Variants in SPA17 observed in about 807,000 individuals in gnomAD.
SPA17 encodes the protein sperm surface protein Sp17.
A neutral mutation model predicts 13.8 loss-of-function variants in SPA17; 7 were observed. That is an observed-to-expected ratio of 0.51 (90% CI 0.29 to 0.95). The LOEUF (loss-of-function observed/expected upper bound fraction) is 0.95, where lower values mean the gene tolerates loss of function less well. SPA17 is among the 40% of genes least tolerant of loss of function. The pLI is 0.08. For synonymous variants in SPA17, 61 were observed against 59.0 expected (o/e 1.03, Z -0.16); for missense variants, 170 against 179.3 (o/e 0.95, Z 0.30).
rs761100717 is a variant in SPA17 at position 124,675,307 on chromosome 11, G to A, written c.43G>A (p.Gly15Arg). The change falls in exon 2 of 5, where the codon GGA (glycine) becomes AGA (arginine). Residue 15 changes from glycine (G) to arginine (R), a missense_variant. Physicochemically the swap from Gly to Arg is moderately radical, Grantham distance 125. Transcript: ENST00000227135. The part of the protein sequence containing the change: ...FSNTHYRIPQ[G>R]FGNLLEGLTR... ...CAACACCCACTACCGAATTCCACAA[G>A]GATTTGGGAATCTTCTTGAAGGGCT... 3 of 1,614,030 alleles carry A rather than the reference G, an allele frequency of 1.9e-6. No individual in the cohort carries two copies. Among genetic ancestry groups the A allele is most frequent in the African/African-American group, 2.7e-5 (2 of 74,920 alleles).
At chr11:124,692,894 G>T (rs372988889) in intron 4 of SPA17, among the ~76,000 whole-genome samples, 1 of 152,150 alleles carries the variant, frequency 6.6e-6, no homozygotes, top group South Asian at 2.1e-4. Context: ...CCAAGAACTG[G>T]CAGCCAGAAT....
At chr11:124,683,873 A>G (rs778028821) in intron 3 of SPA17, among the ~76,000 whole-genome samples, 1 of 152,212 alleles carries the variant, frequency 6.6e-6, no homozygotes, top group Non-Finnish European at 1.5e-5. Flanking sequence ...ACTGCAATAC[A>G]ATAATAGTGA....
intron 4 of SPA17, among the ~76,000 whole-genome samples, chr11:124,693,976 C>A (rs148743906): frequency 2.0e-5 from 3 of 152,050 alleles, no homozygotes; most frequent in Non-Finnish European, 1.5e-5. Context: ...TTTTACCATG[C>A]CTCAAGGATT....
intron 4 of SPA17, among the ~76,000 whole-genome samples, chr11:124,693,862 C>T (rs1203741119): frequency 2.6e-5 from 4 of 152,032 alleles, no homozygotes; most frequent in East Asian, 1.9e-4. Context: ...AAATGTATGA[C>T]GATGATTAAC....
chr11:124,687,765 A>G (rs1183055822), intron 3 of SPA17, among the ~76,000 whole-genome samples: 2 of 152,304 alleles, frequency 1.3e-5, no homozygotes, highest in South Asian at 4.1e-4. Context: ...TCAACAAACT[A>G]GGCATAGAAG....
rs372313269 is a variant in SPA17, at chr11:124,696,448, T to C, written c.*2002T>C. On this transcript the variant is annotated 3_prime_UTR_variant, in exon 5 of 5. Coordinates refer to ENST00000227135, the MANE Select transcript of SPA17 (RefSeq NM_017425.4). Reference sequence around the variant, plus strand: ...AGCTTTTTCAGTAATTCTCCTGTTATACACATAAAGTGACTAGCACTATGC... The same window carrying C: ...AGCTTTTTCAGTAATTCTCCTGTTACACACATAAAGTGACTAGCACTATGC... 10 of 151,816 alleles carry C rather than the reference T, an allele frequency of 6.6e-5. No individual in the cohort carries two copies. Among genetic ancestry groups the C allele is most frequent in the East Asian group, 5.8e-4 (3 of 5,172 alleles). 9.4% of individuals were successfully genotyped at this position (151,816 alleles called of 1,614,324 possible). A position where few individuals can be genotyped will look rare whatever the true frequency, so the allele number is the denominator to read the frequency against.
In SPA17 at chr11:124,696,122, T is replaced by C. The variant is rs909506918; in HGVS notation, c.*1676T>C. 5 of 152,258 alleles carry C rather than the reference T, an allele frequency of 3.3e-5. No individual in the cohort carries two copies. Among genetic ancestry groups the C allele is most frequent in the African/African-American group, 1.2e-4 (5 of 41,448 alleles). 9.4% of individuals were successfully genotyped at this position (152,258 alleles called of 1,614,324 possible). ...CCACTGTAGAGAGTTTCATGCTAGC[T>C]AAACACAAGTCTCTAATATCCCCCT... On this transcript the variant is annotated 3_prime_UTR_variant, in exon 5 of 5. Coordinates refer to ENST00000227135, the MANE Select transcript of SPA17 (RefSeq NM_017425.4).
intron 2 of SPA17, chr11:124,676,375 C>T (rs1400837467): frequency 6.6e-6 from 1 of 152,198 alleles, no homozygotes; most frequent in Non-Finnish European, 1.5e-5. Flanking sequence ...TTCTTGTCAT[C>T]ATTACTTTTT....
At chr11:124,683,145 A>T (rs958835827) in intron 3 of SPA17, among the ~76,000 whole-genome samples, 1 of 152,194 alleles carries the variant, frequency 6.6e-6, no homozygotes, top group African/African-American at 2.4e-5. Context: ...TAACCTTCAT[A>T]AATGAAAGAG....
At chr11:124,681,625 ATTAT>A (rs1039075756) in intron 3 of SPA17, among the ~76,000 whole-genome samples, 166 bp downstream of exon 3, 37 of 151,806 alleles carry the variant, frequency 2.4e-4, no homozygotes, top group African/African-American at 3.6e-4. Flanking sequence ...TATTAAAAAG[ATTAT>A]TTATTAAAAA....
chr11:124,694,426 G>T lies in SPA17; in HGVS notation c.436G>T (p.Glu146Ter). 3 of 1,610,336 alleles carry T rather than the reference G, an allele frequency of 1.9e-6. No homozygotes were observed. In the South Asian group the frequency reaches 3.3e-5, roughly 18 times the overall value. The change falls in exon 5 of 5, where the codon GAA (glutamate) becomes TAA (stop). Residue 146 changes from glutamate (E) to a stop codon, truncating the protein, a stop_gained. Transcript: ENST00000227135. LOFTEE classifies it high-confidence loss of function. ...KMKTNSLQNE[E>*]KEENK ...GAAAACAAATAGTCTTCAAAATGAGGAAAAAGAGGAAAACAAGTGAGGACA... is the reference window on the plus strand; with the variant it reads ...GAAAACAAATAGTCTTCAAAATGAGTAAAAAGAGGAAAACAAGTGAGGACA...
chr11:124,674,346 A>AC (rs1943428536), intron 1 of SPA17: 2 of 148,998 alleles, frequency 1.3e-5, no homozygotes, highest in South Asian at 2.1e-4. Flanking sequence ...GAGGCCAGAG[A>AC]CCCCCTCTCA....
chr11:124,688,830 T>A (rs1479982888), intron 3 of SPA17, among the ~76,000 whole-genome samples: 1 of 152,172 alleles, frequency 6.6e-6, no homozygotes, highest in Non-Finnish European at 1.5e-5. Context: ...TGACTTCAAA[T>A]GATATTATAG....
chr11:124,679,660 C>G (rs1160896932), intron 2 of SPA17, among the ~76,000 whole-genome samples: 2 of 152,200 alleles, frequency 1.3e-5, no homozygotes, highest in Non-Finnish European at 2.9e-5. Context: ...GTTGTCATCT[C>G]TAAATACCAT....
Position 124,680,044 on chromosome 11 carries a change from C to A in SPA17, c.155-1345C>A, listed in dbSNP as rs186479928. 1.7e-3 allele frequency among the ~76,000 whole-genome samples: 258 copies of A among 152,248 alleles called. 1 individual carries two copies. Among genetic ancestry groups the A allele is most frequent in the African/African-American group, 5.9e-3 (247 of 41,556 alleles). On this transcript the variant is annotated intron_variant, in intron 2 of 4. Transcript: ENST00000227135. Reference sequence around the variant, plus strand: ...GGAAAGAACTAAACCTTTAACCTTTCTTTTCTGTAACAACTGTTCTTCGGA... The same window carrying A: ...GGAAAGAACTAAACCTTTAACCTTTATTTTCTGTAACAACTGTTCTTCGGA...
intron 3 of SPA17, among the ~76,000 whole-genome samples, chr11:124,685,549 A>G (rs548848425): frequency 8.5e-5 from 13 of 152,296 alleles, no homozygotes; most frequent in East Asian, 3.9e-4. Context: ...GTGGAGCTGT[A>G]AGAAGAGGGC....
At chr11:124,694,114 A>G (rs1432532635) in intron 4 of SPA17, among the ~76,000 whole-genome samples, 189 bp from the exon 5 acceptor site, 1 of 152,212 alleles carries the variant, frequency 6.6e-6, no homozygotes, top group Non-Finnish European at 1.5e-5. Flanking sequence ...TGACAAAACA[A>G]AATGCCTGCT....
intron 3 of SPA17, among the ~76,000 whole-genome samples, chr11:124,688,882 T>C (rs1041980653): frequency 7.9e-5 from 12 of 152,216 alleles, no homozygotes; most frequent in Admixed American, 6.5e-4. Flanking sequence ...TTACTTTTAG[T>C]GGAAAAGACA....
At chr11:124,684,744 T>C (rs1340384087) in intron 3 of SPA17, among the ~76,000 whole-genome samples, 4 of 152,252 alleles carry the variant, frequency 2.6e-5, no homozygotes, top group African/African-American at 9.6e-5. Flanking sequence ...ATGCTGATAG[T>C]GATATGGACA....
Sources: gnomAD v4.1 joint callset for allele counts (sites outside exome capture counted in the v4.1 genomes callset) on GRCh38, gnomAD v4.1.1 for gene constraint, MANE v1.5 for transcripts, NCBI Gene and HGNC (gene_info 2026-07-23, HGNC 2026-07-21) for gene names.